PPM1H: variants seen among roughly 807,000 people sequenced by gnomAD.
PPM1H encodes the protein protein phosphatase, Mg2+/Mn2+ dependent 1H, also known as protein phosphatase 1H.
In PPM1H, 27 loss-of-function variants were observed where a neutral mutation model predicts 54.9. That is an observed-to-expected ratio of 0.49 (90% CI 0.36 to 0.68). The LOEUF is 0.68. Among genes scored for constraint, PPM1H ranks in the 30% least tolerant of loss-of-function variants. The probability of loss-of-function intolerance (pLI) is 0.00; values close to 1 mark genes in which losing one functional copy is unlikely to be tolerated. For missense variants in PPM1H, 596 were observed against 667.8 expected (o/e 0.89, Z 1.19); for synonymous variants, 305 against 270.8 (o/e 1.13, Z -1.24).
At chr12:62,726,179 A>C (rs1441426187) in intron 5 of PPM1H, among the ~76,000 whole-genome samples, 3 of 152,228 alleles carry the variant, frequency 2.0e-5, no homozygotes. Context: ...AACTTGGTAC[A>C]AACAGAGCAA....
intron 7 of PPM1H, among the ~76,000 whole-genome samples, chr12:62,690,647 A>G (rs1293064979): frequency 6.6e-6 from 1 of 152,194 alleles, no homozygotes; most frequent in Non-Finnish European, 1.5e-5. Context: ...TATGTTGGGG[A>G]CACAAATGTC....
chr12:62,756,281 G>T, intron 4 of PPM1H: 1 of 640,946 alleles, frequency 1.6e-6, no homozygotes, highest in Non-Finnish European at 2.9e-6. Context: ...GAAGAGAGAG[G>T]CCCTCACTGC....
intron 6 of PPM1H, among the ~76,000 whole-genome samples, chr12:62,713,414 A>AG (rs1334425938): frequency 6.6e-6 from 1 of 151,920 alleles, no homozygotes; most frequent in Non-Finnish European, 1.5e-5. Flanking sequence ...TGAGGAGGGG[A>AG]GGTGCGCTAC....
chr12:62,817,386 T>C (rs908062431), intron 2 of PPM1H, among the ~76,000 whole-genome samples: 4 of 151,104 alleles, frequency 2.6e-5, no homozygotes, highest in Admixed American at 6.6e-5. Context: ...GGCGTGAACC[T>C]GGCAGGCGGA....
intron 4 of PPM1H, among the ~76,000 whole-genome samples, chr12:62,784,876 T>C: frequency 6.6e-6 from 1 of 152,216 alleles, no homozygotes; most frequent in East Asian, 1.9e-4. Flanking sequence ...TAAACGATCC[T>C]TTGGATAGCA....
rs149456352 is a variant in PPM1H, at chr12:62,770,019, T to C, written c.869+18207A>G. On this transcript the variant is annotated intron_variant, in intron 4 of 9. Transcript: ENST00000228705. ...CAGTGGAGATATTTAACCTTTTATC[T>C]GCAGCTATTTGCTTAGGAACAAAAG... is the stretch of plus-strand genomic sequence containing the variant. 2.0e-3 allele frequency among the ~76,000 whole-genome samples: 303 copies of C among 151,750 alleles called. 3 individuals are homozygous for C. The highest frequency in any genetic ancestry group is 7.1e-3 in the African/African-American group (295 of 41,402).
chr12:62,838,920 C>CAAAAAAAA (rs71278269), intron 1 of PPM1H, among the ~76,000 whole-genome samples: 86 of 33,314 alleles, frequency 2.6e-3, no homozygotes, highest in Non-Finnish European at 3.4e-3. Flanking sequence ...GACTCCGTCT[C>CAAAAAAAA]AAAAAAAAAA....
rs534454444 is a variant in PPM1H, at chr12:62,916,159, C to T, written c.245+18333G>A. 9.2e-5 allele frequency among the ~76,000 whole-genome samples: 14 copies of T among 152,318 alleles called. No individual in the cohort carries two copies. The South Asian group carries it at 2.9e-3, about 32-fold the overall frequency. The stretch of plus-strand genomic sequence containing the variant: ...GAAAATAGAAAATATATTTTTTAAC[C>T]TTCAGAGCCTTCCTTACACTCCATG... On this transcript the variant is annotated intron_variant, in intron 1 of 9. Coordinates refer to ENST00000228705, the MANE Select transcript of PPM1H (RefSeq NM_020700.2).
At position 62,934,889 on chromosome 12, in the gene PPM1H, G is replaced by A; in HGVS notation, c.-153C>T. On this transcript the variant is annotated 5_prime_UTR_variant, in exon 1 of 10. The change creates a premature stop within an existing upstream ORF in the 5' untranslated region. Transcript: ENST00000228705. The surrounding 1 kb of genome is among the most constrained non-coding windows in gnomAD (Gnocchi z 4.2). ...CGCGCGGCTCCCAGAGCCTAGTGCT[G>A]CAGGGGGCCGAGCCCCGGCCTCTCG... 1.5e-6 allele frequency: 1 copy of A among 651,058 alleles called. No individual in the cohort carries two copies. The highest frequency in any genetic ancestry group is 2.1e-6 in the Non-Finnish European group (1 of 471,170). 40.3% of individuals were successfully genotyped at this position (651,058 alleles called of 1,614,324 possible).
intron 6 of PPM1H, among the ~76,000 whole-genome samples, chr12:62,703,550 G>C (rs1423717753): frequency 6.6e-6 from 1 of 151,862 alleles, no homozygotes; most frequent in Non-Finnish European, 1.5e-5. Flanking sequence ...AAACATCTTC[G>C]GTCCCCCTTC....
chr12:62,846,168 A>G (rs186859548), intron 1 of PPM1H, among the ~76,000 whole-genome samples: 21 of 152,282 alleles, frequency 1.4e-4, no homozygotes, highest in Admixed American at 1.2e-3. Flanking sequence ...CCATGCTCAA[A>G]TATCTCCAAA....
intron 1 of PPM1H, among the ~76,000 whole-genome samples, chr12:62,933,457 G>T (rs929109658): frequency 6.6e-6 from 1 of 152,142 alleles, no homozygotes; most frequent in Non-Finnish European, 1.5e-5. Flanking sequence ...GCCGTGCACG[G>T]ATAGGGGAGG....
intron 5 of PPM1H, among the ~76,000 whole-genome samples, 195 bp downstream of exon 5, chr12:62,737,307 T>TTCACGGAGGTGGAGTGTGTCGTCAC (rs2120525291): frequency 6.6e-6 from 1 of 151,238 alleles, no homozygotes; most frequent in South Asian, 2.1e-4. Context: ...CAATAATAAA[T>TTCACGGAGGTGGAGTGTGTCGTCAC]TCACGGAGGT....
chr12:62,910,339 AT>A (rs1369800730), intron 1 of PPM1H, among the ~76,000 whole-genome samples: 7 of 152,342 alleles, frequency 4.6e-5, no homozygotes, highest in African/African-American at 1.7e-4. Context: ...GCCTATTCAT[AT>A]TCTTTTGTAG....
At chr12:62,682,315 C>G (rs1264826774) in intron 8 of PPM1H, among the ~76,000 whole-genome samples, 1 of 152,084 alleles carries the variant, frequency 6.6e-6, no homozygotes, top group African/African-American at 2.4e-5. Flanking sequence ...CAGTATGCAC[C>G]AATATTGTTT....
At position 62,933,534 on chromosome 12, in the gene PPM1H, T is replaced by C. The variant is rs564873928; in HGVS notation, c.245+958A>G. 1.2e-4 allele frequency among the ~76,000 whole-genome samples: 18 copies of C among 152,198 alleles called. 1 individual carries two copies. The highest frequency in any genetic ancestry group is 9.6e-4 in the East Asian group (5 of 5,196). On this transcript the variant is annotated intron_variant, in intron 1 of 9. Transcript: ENST00000228705. ...GGTGTGCCAGCCACCAGGTTTTGCG[T>C]GCACTTTTGCACTCCCTGGTTCATT...
At chr12:62,858,813 C>T (rs1271334069) in intron 1 of PPM1H, among the ~76,000 whole-genome samples, 1 of 152,166 alleles carries the variant, frequency 6.6e-6, no homozygotes, top group Non-Finnish European at 1.5e-5. Context: ...AATTTAACTG[C>T]TTTGGTACAA....
chr12:62,732,856 T>A (rs1188832799), intron 5 of PPM1H, among the ~76,000 whole-genome samples: 1 of 152,150 alleles, frequency 6.6e-6, no homozygotes. Context: ...AAAATTTGAT[T>A]TACCCTAAGA....
chr12:62,698,791 G>GT (rs1195735195), intron 6 of PPM1H, among the ~76,000 whole-genome samples: 4 of 137,034 alleles, frequency 2.9e-5, no homozygotes, highest in Admixed American at 2.1e-4. Context: ...ACCTGAGAAT[G>GT]TTTTTTTTGG....
Sources: gnomAD v4.1 joint callset for allele counts (sites outside exome capture counted in the v4.1 genomes callset) on GRCh38, gnomAD v4.1.1 for gene constraint, Gnocchi (gnomAD v3.1) non-coding constraint, MANE v1.5 for transcripts, NCBI Gene and HGNC (gene_info 2026-07-23, HGNC 2026-07-21) for gene names.